EXOC4: variants seen among roughly 807,000 people sequenced by gnomAD.
EXOC4 encodes the protein exocyst complex component 4.
Under a neutral mutation model 107.2 loss-of-function variants are expected in EXOC4, and 71 were observed. The observed-to-expected ratio is 0.66, with a 90% CI of 0.55 to 0.81. The LOEUF (loss-of-function observed/expected upper bound fraction) is 0.81, where lower values mean the gene tolerates loss of function less well. Ranked by LOEUF, EXOC4 falls within the 30% of genes least tolerant of loss-of-function variation. The pLI, the probability that EXOC4 is intolerant of heterozygous loss-of-function variation, is 0.00. For missense variants in EXOC4, 1,108 were observed against 1,189.6 expected, an observed-to-expected ratio of 0.93 and a Z score of 1.01; for synonymous variants, 456 against 441.2, an observed-to-expected ratio of 1.03 and a Z score of -0.42.
intron 5 of EXOC4, among the ~76,000 whole-genome samples, chr7:133,350,671 A>G (rs1350825162): frequency 6.6e-6 from 1 of 152,018 alleles, no homozygotes; most frequent in Non-Finnish European, 1.5e-5. Flanking sequence ...GCTATTCTGG[A>G]TCCCTTGAGA....
intron 10 of EXOC4, among the ~76,000 whole-genome samples, chr7:133,791,429 T>C (rs570060309): frequency 9.0e-4 from 137 of 152,320 alleles, no homozygotes; most frequent in African/African-American, 3.1e-3. Context: ...CGCTCATGAA[T>C]AGGACTTCAC....
intron 13 of EXOC4, among the ~76,000 whole-genome samples, chr7:133,921,493 C>T (rs566152035): frequency 5.3e-5 from 8 of 152,226 alleles, no homozygotes; most frequent in Admixed American, 2.0e-4. Context: ...TCTCTTTTAA[C>T]AACTAAATAT....
chr7:133,627,357 G>A (rs940985471), intron 9 of EXOC4, among the ~76,000 whole-genome samples: 19 of 152,060 alleles, frequency 1.2e-4, no homozygotes, highest in Admixed American at 1.2e-3. Context: ...AGGTTAGTCA[G>A]GTCTGAATTT....
rs187374207 is a variant in EXOC4, at chr7:133,441,544, C to T, written c.1183-33784C>T. Reference sequence around the variant, plus strand: ...TACCTGGGATTACAGATGTGTGCCACCATGCCTGGCTAATTTTTGTATTTT... The same window carrying T: ...TACCTGGGATTACAGATGTGTGCCATCATGCCTGGCTAATTTTTGTATTTT... On this transcript the variant is annotated intron_variant, in intron 7 of 17. Coordinates refer to ENST00000253861, the MANE Select transcript of EXOC4 (RefSeq NM_021807.4). 1.3e-3 allele frequency among the ~76,000 whole-genome samples: 202 copies of T among 152,196 alleles called. No homozygotes were observed. In the Middle Eastern group the frequency reaches 0.014, roughly 10 times the overall value.
chr7:133,696,985 T>C (rs894007935), intron 10 of EXOC4, among the ~76,000 whole-genome samples: 5 of 152,336 alleles, frequency 3.3e-5, no homozygotes, highest in Non-Finnish European at 7.4e-5. Flanking sequence ...TACTGTTACC[T>C]GTTGTAGGAA....
intron 11 of EXOC4, among the ~76,000 whole-genome samples, chr7:133,861,804 G>A (rs1798539348): frequency 6.6e-6 from 1 of 152,188 alleles, no homozygotes; most frequent in Non-Finnish European, 1.5e-5. Flanking sequence ...AGAATGCTGG[G>A]ATTATAGGCG....
At chr7:133,284,746 A>C (rs1794236253) in intron 2 of EXOC4, among the ~76,000 whole-genome samples, 1 of 152,066 alleles carries the variant, frequency 6.6e-6, no homozygotes, top group Non-Finnish European at 1.5e-5. Context: ...TGTGTTAGCC[A>C]GGATAGTCTT....
At chr7:134,074,155 A>G in the EXOC4 span, among the ~76,000 whole-genome samples, 2 of 152,254 alleles carry the variant, frequency 1.3e-5, no homozygotes, top group South Asian at 4.1e-4. Flanking sequence ...CCAACACTCC[A>G]GGTTGGGCAG....
chr7:133,334,636 A>G lies in EXOC4; in HGVS notation c.763+17246A>G, dbSNP rs563540623. Reference sequence around the variant, plus strand: ...AATGTGTGTCATGGGGGTTTGTTGTATAGATTATTTCATCACTCAGGTATT... The same window carrying G: ...AATGTGTGTCATGGGGGTTTGTTGTGTAGATTATTTCATCACTCAGGTATT... On this transcript the variant is annotated intron_variant, in intron 5 of 17. Coordinates refer to ENST00000253861, the MANE Select transcript of EXOC4 (RefSeq NM_021807.4). 2.6e-5 allele frequency among the ~76,000 whole-genome samples: 4 copies of G among 152,242 alleles called. No individual in the cohort carries two copies. In the South Asian group the frequency reaches 8.3e-4, roughly 32 times the overall value.
At chr7:133,339,236 T>TTG (rs779486644) in intron 5 of EXOC4, among the ~76,000 whole-genome samples, 29 of 151,918 alleles carry the variant, frequency 1.9e-4, no homozygotes, top group Middle Eastern at 3.4e-3. Context: ...TTCCATGGTT[T>TTG]TGTGTGTGTG....
chr7:133,604,706 C>CTTTTTTTTTTTTTTTT lies in EXOC4; in HGVS notation c.1418-25336_1418-25335insTTTTTTTTTTTTTTTT, dbSNP rs1554477961. Among the ~76,000 whole-genome samples the CTTTTTTTTTTTTTTTT allele has an allele frequency of 3.0e-3, 263 of 87,486 alleles. 47 individuals carry two copies. Among genetic ancestry groups the CTTTTTTTTTTTTTTTT allele is most frequent in the Non-Finnish European group, 4.1e-3 (180 of 44,010 alleles). 57.4% of individuals were successfully genotyped at this position (87,486 alleles called of 152,430 possible). ...TTTTTCTTTCCTTCCTTCCTTCCTT[C>CTTTTTTTTTTTTTTTT]TTTCTTTTTTTTTTTTTTTTTTTTT... On this transcript the variant is annotated intron_variant, in intron 9 of 17. Coordinates refer to ENST00000253861, the MANE Select transcript of EXOC4 (RefSeq NM_021807.4).
intron 1 of EXOC4, among the ~76,000 whole-genome samples, chr7:133,255,474 C>T (rs1212147840): frequency 6.6e-6 from 1 of 152,104 alleles, no homozygotes; most frequent in Non-Finnish European, 1.5e-5. Flanking sequence ...CGTGCCCAGC[C>T]CTCATTTTTC....
chr7:133,279,100 G>T (rs13247406), intron 2 of EXOC4, among the ~76,000 whole-genome samples: 1 of 151,996 alleles, frequency 6.6e-6, no homozygotes, highest in African/African-American at 2.4e-5. Flanking sequence ...ATAGTTTGCT[G>T]AGAATGATGG....
At chr7:133,340,844 G>A (rs528338599) in intron 5 of EXOC4, among the ~76,000 whole-genome samples, 1 of 151,876 alleles carries the variant, frequency 6.6e-6, no homozygotes, top group South Asian at 2.1e-4. Context: ...ATGATCTTTT[G>A]TATTTCTTTG....
chr7:133,764,857 G>T (rs761674750), intron 10 of EXOC4, among the ~76,000 whole-genome samples: 5 of 152,052 alleles, frequency 3.3e-5, no homozygotes, highest in Non-Finnish European at 5.9e-5. Flanking sequence ...CTGGAAGGTG[G>T]TGGGAAGGAG....
intron 10 of EXOC4, among the ~76,000 whole-genome samples, chr7:133,702,297 C>G (rs887177974): frequency 1.1e-5 from 1 of 91,130 alleles, no homozygotes; most frequent in Non-Finnish European, 2.3e-5. Context: ...CCACAGCCAG[C>G]TTTGTCGCCA....
the EXOC4 span, among the ~76,000 whole-genome samples, chr7:134,076,626 C>T: frequency 6.6e-6 from 1 of 151,422 alleles, no homozygotes; most frequent in Non-Finnish European, 1.5e-5. Flanking sequence ...CTCTCTTTAA[C>T]ATATATGTAC....
At chr7:133,860,855 C>T (rs573328289) in intron 11 of EXOC4, among the ~76,000 whole-genome samples, 3 of 150,008 alleles carry the variant, frequency 2.0e-5, no homozygotes, top group African/African-American at 7.4e-5. Context: ...TGTATGATCT[C>T]AACATGTATG....
chr7:133,378,948 A>C (rs1796554134), intron 7 of EXOC4, among the ~76,000 whole-genome samples: 1 of 152,154 alleles, frequency 6.6e-6, no homozygotes, highest in African/African-American at 2.4e-5. Flanking sequence ...ATTTAAAAAA[A>C]ACCAAGACCC....
Sources: gnomAD v4.1 joint callset for allele counts (sites outside exome capture counted in the v4.1 genomes callset) on GRCh38, gnomAD v4.1.1 for gene constraint, MANE v1.5 for transcripts, NCBI Gene and HGNC (gene_info 2026-07-23, HGNC 2026-07-21) for gene names.